Variants in ABCA2 observed in about 807,000 individuals in gnomAD.
ABCA2 encodes the protein ATP binding cassette subfamily A member 2, also known as ATP-binding cassette sub-family A member 2.
In ABCA2, 84 loss-of-function variants were observed where a neutral mutation model predicts 262.8. The ratio of observed to expected loss-of-function variants is 0.32; its 90% CI spans 0.27 to 0.38. The LOEUF is 0.38. ABCA2 is among the 10% of genes least tolerant of loss of function. ABCA2 has a pLI of 1.00. For synonymous variants in ABCA2, 1,696 were observed against 1,502.9 expected (o/e 1.13, Z -2.97); for missense variants, 2,662 against 3,405.9 (o/e 0.78, Z 5.44).
Position 137,013,067 on chromosome 9 carries a change from G to A in ABCA2, c.4802C>T (p.Ser1601Leu), listed in dbSNP as rs1211616300. 5.8e-6 allele frequency: 9 copies of A among 1,554,144 alleles called. No homozygotes were observed. The highest frequency in any genetic ancestry group is 1.4e-5 in the African/African-American group (1 of 73,726). Reference sequence around the variant, plus strand: ...CAGGTCCTCATCCGGGGACGCTGGCGAGTCAGATGGGGCGGGCGAGGGTGG... The same window carrying A: ...CAGGTCCTCATCCGGGGACGCTGGCAAGTCAGATGGGGCGGGCGAGGGTGG... ...PPPPSPAPSD[S>L]PASPDEDLQA... is the part of the protein sequence containing the mutation. The change falls in exon 30 of 49, where the codon TCG becomes TTG. Residue 1601 changes from serine to leucine, a missense_variant. Coordinates refer to ENST00000341511, the MANE Select transcript of ABCA2 (RefSeq NM_001606.5).
chr9:137,017,896 A>G lies in ABCA2; in HGVS notation c.2102T>C (p.Leu701Pro). 1 of 1,612,546 alleles carries G rather than the reference A, an allele frequency of 6.2e-7. No individual in the cohort carries two copies. The highest frequency in any genetic ancestry group is 8.5e-7 in the Non-Finnish European group (1 of 1,179,836). Residue 701 changes from leucine to proline, a missense_variant, in exon 16 of 49, where the codon CTG (leucine) becomes CCG (proline). By Grantham distance (98) the Leu-to-Pro change is moderately conservative. Transcript: ENST00000341511. ...CGGCATCATGTGCTCAATGACAAAC[A>G]GGAAGCTGCGGGGAGGCCGCGCTCA... ...PYPCYTRDDF[L>P]FVIEHMMPLC...
At position 137,021,925 on chromosome 9, in the gene ABCA2, C is replaced by T. The variant is rs1831466195; in HGVS notation, c.644G>A (p.Ser215Asn). The T allele has an allele frequency of 1.9e-6, 3 of 1,604,614 alleles. No homozygotes were observed. The highest frequency in any genetic ancestry group is 1.1e-5 in the South Asian group (1 of 89,274). The change falls in exon 7 of 49, where the codon AGC becomes AAC. Residue 215 changes from serine to asparagine, a missense_variant. Around this residue, in one of 12 missense-constraint regions of ABCA2, gnomAD observed 403 missense variants for 375.9 expected, o/e 1.07. Coordinates refer to ENST00000341511, the MANE Select transcript of ABCA2 (RefSeq NM_001606.5). This position sits in a 1 kb window ranked among gnomAD's most constrained non-coding sequence, Gnocchi z 6.0. ...GAACAGGGGATTGCCCCCTAGGCGG[C>T]TCCAGGGCTCCTGACCCTTGTGGAG... ...SGLHKGQEPW[S>N]RLGGNPLFRM... is the part of the protein sequence containing the mutation.
intron 46 of ABCA2, 32 bp from the exon 47 acceptor site, chr9:137,008,900 G>GCCCCCCCCCCCCCCTTGGGCCCC (rs59031144): frequency 6.5e-7 from 1 of 1,535,812 alleles, no homozygotes; most frequent in Non-Finnish European, 8.8e-7. Flanking sequence ...GCCTGGCAGC[G>GCCCCCCCCCCCCCCTTGGGCCCC]CCCCCCCACC....
At position 137,018,884 on chromosome 9, in the gene ABCA2, C is replaced by T. The variant is rs549093323; in HGVS notation, c.1722+19G>A. The T allele has an allele frequency of 7.6e-5, 122 of 1,611,944 alleles. 4 individuals carry two copies. In the South Asian group the frequency reaches 1.1e-3, roughly 15 times the overall value. ...AGGCAGGGGGTGTCGTGGGTTGGCT[C>T]GGAGGCCCCACCGCTCACCTTGGAC... On this transcript the variant is annotated intron_variant, in intron 12 of 48. Transcript: ENST00000341511.
chr9:137,018,773 T>C lies in ABCA2; in HGVS notation c.1765A>G (p.Ile589Val), dbSNP rs1183948596. Residue 589 changes from isoleucine to valine, a missense_variant, in exon 13 of 49, where the codon ATT becomes GTT. Ile to Val is a conservative substitution (Grantham distance 29). Coordinates refer to ENST00000341511, the MANE Select transcript of ABCA2 (RefSeq NM_001606.5). ...IFKGFPDEES[I>V]VNYTLNQAYQ... ...GCCTGGTTGAGGGTGTAGTTGACAA[T>C]GCTCTCCTCGTCGGGGAAGCCCTTG... 1 of 1,612,352 alleles carries C rather than the reference T, an allele frequency of 6.2e-7. No homozygotes were observed. The highest frequency in any genetic ancestry group is 2.2e-5 in the East Asian group (1 of 44,872).
Position 137,021,454 on chromosome 9 carries a change from G to A in ABCA2, c.835C>T (p.Arg279Cys), listed in dbSNP as rs373960597. 5.0e-6 allele frequency: 8 copies of A among 1,612,046 alleles called. No homozygotes were observed. The South Asian group carries it at 5.5e-5, about 11-fold the overall frequency. The change falls in exon 8 of 49, where the codon CGC becomes TGC. Residue 279 changes from arginine (R) to cysteine (C), a missense_variant. By Grantham distance (180) the Arg-to-Cys change is radical. This residue lies in a region of ABCA2 where 403 missense variants were observed against 375.9 expected (regional missense o/e 1.07). Transcript: ENST00000341511. The surrounding 1 kb of genome is among the most constrained non-coding windows in gnomAD (Gnocchi z 6.0). ...AGCTCAGCAGACAGCCCAGAGAAGCGCCTGGCACGCGCAGCAGCCTGCCCA... is the reference window on the plus strand; with the variant it reads ...AGCTCAGCAGACAGCCCAGAGAAGCACCTGGCACGCGCAGCAGCCTGCCCA... Reference protein sequence around the residue: ...CSGQAAARARRFSGLSAELRN... With the variant: ...CSGQAAARARCFSGLSAELRN...
At chr9:137,009,146 C>A in intron 45 of ABCA2, 93 bp from the exon 46 acceptor site, 1 of 1,299,756 alleles carries the variant, frequency 7.7e-7, no homozygotes, top group Non-Finnish European at 1.1e-6. Flanking sequence ...CACAGGCACC[C>A]CAGGAAGCCC....
intron 17 of ABCA2, 66 bp from the exon 18 acceptor site, chr9:137,017,412 G>A: frequency 5.0e-6 from 8 of 1,604,998 alleles, no homozygotes; most frequent in Non-Finnish European, 6.8e-6. Context: ...GCAGGCCCGT[G>A]CCAGGGTCCA....
At position 137,018,814 on chromosome 9, in the gene ABCA2, A is replaced by ACCTAGCGGGAGGGGCATCGCTGGAGC; in HGVS notation, c.1723-25_1723dup (p.Val575GlyfsTer10). 1 of 1,612,486 alleles carries ACCTAGCGGGAGGGGCATCGCTGGAGC rather than the reference A, an allele frequency of 6.2e-7. No homozygotes were observed. ...GAAGCCCTTGAAGATGTCCACGCTC[A>ACCTAGCGGGAGGGGCATCGCTGGAGC]CCTAGCGGGAGGGGCATCGCTGGAG... On this transcript the variant is annotated frameshift_variant and splice_region_variant, in exon 13 of 49. Coordinates refer to ENST00000341511, the MANE Select transcript of ABCA2 (RefSeq NM_001606.5). LOFTEE classifies it high-confidence loss of function.
In ABCA2 at chr9:137,024,084, G is replaced by A. The variant is rs952714938; in HGVS notation, c.160+59C>T. On this transcript the variant is annotated intron_variant, in intron 2 of 48. Coordinates refer to ENST00000341511, the MANE Select transcript of ABCA2 (RefSeq NM_001606.5). ...CCGTGTGCAGATGTGCACACACAGC[G>A]CAGGCGTGCGAGGTGCCGCGCTCCC... The A allele has an allele frequency of 2.7e-5, 42 of 1,546,334 alleles. 1 individual carries two copies. Among genetic ancestry groups the A allele is most frequent in the South Asian group, 1.6e-4 (13 of 82,250 alleles).
At chr9:137,025,782 G>C (rs113018159) in intron 1 of ABCA2, among the ~76,000 whole-genome samples, 3,718 of 152,302 alleles carry the variant, frequency 0.024, 161 homozygotes, top group African/African-American at 0.086. Context: ...AACAGGCCCG[G>C]CTGCCTCCCC....
rs750053697 is a variant in ABCA2, at chr9:137,009,963, C to T, written c.6495+20G>A. 82 of 1,595,320 alleles carry T rather than the reference C, an allele frequency of 5.1e-5. No individual in the cohort carries two copies. The highest frequency in any genetic ancestry group is 6.8e-5 in the Non-Finnish European group (79 of 1,169,714). ...GCCACCCAGCGTGCTGACTCCCTGC[C>T]CCGCCCCACAGATCCTCACCCGGGC... On this transcript the variant is annotated intron_variant, in intron 42 of 48. Coordinates refer to ENST00000341511, the MANE Select transcript of ABCA2 (RefSeq NM_001606.5).
intron 1 of ABCA2, among the ~76,000 whole-genome samples, chr9:137,025,665 C>T (rs1831630777): frequency 6.6e-6 from 1 of 152,240 alleles, no homozygotes; most frequent in African/African-American, 2.4e-5. Flanking sequence ...CAACAGGCAC[C>T]AGGGCGAGGG....
intron 24 of ABCA2, 82 bp from the exon 25 acceptor site, chr9:137,015,179 A>G: frequency 6.9e-7 from 1 of 1,446,268 alleles, no homozygotes; most frequent in Non-Finnish European, 9.3e-7. Flanking sequence ...CTGGGTCAAG[A>G]TATGGGCATT....
Position 137,013,166 on chromosome 9 carries a change from G to A in ABCA2, c.4703C>T (p.Ala1568Val), listed in dbSNP as rs748229010. 1.9e-6 allele frequency: 3 copies of A among 1,600,030 alleles called. No homozygotes were observed. Among genetic ancestry groups the A allele is most frequent in the South Asian group, 1.1e-5 (1 of 89,450 alleles). Residue 1568 changes from alanine to valine, a missense_variant, in exon 30 of 49, where the codon GCG (alanine) becomes GTG (valine). By Grantham distance (64) the Ala-to-Val change is moderately conservative. This residue lies in a region of ABCA2 where 192 missense variants were observed against 207.2 expected (regional missense o/e 0.93). Coordinates refer to ENST00000341511, the MANE Select transcript of ABCA2 (RefSeq NM_001606.5). ...ACACATGCTGTCGAAGAACCGAGCC[G>A]CCAGCAGGCGCGACTCCCCGCTGCT... ...NLSSGESRLL[A>V]ARFFDSMCLE...
rs374291264 is a variant in ABCA2, at chr9:137,020,683, C to G, written c.1265+11G>C. On this transcript the variant is annotated intron_variant, in intron 9 of 48. Coordinates refer to ENST00000341511, the MANE Select transcript of ABCA2 (RefSeq NM_001606.5). ...GTCCTCCTCACCCCCATTCCCCTGCCGCCCACCTACCGGTTGTTGCCACAC... is the reference window on the plus strand; with the variant it reads ...GTCCTCCTCACCCCCATTCCCCTGCGGCCCACCTACCGGTTGTTGCCACAC... 10 of 1,598,014 alleles carry G rather than the reference C, an allele frequency of 6.3e-6. No individual in the cohort carries two copies. Among genetic ancestry groups the G allele is most frequent in the Non-Finnish European group, 8.5e-6 (10 of 1,179,190 alleles).
At position 137,017,779 on chromosome 9, in the gene ABCA2, C is replaced by A. The variant is rs1367505655; in HGVS notation, c.2211+8G>T. 2 of 1,612,090 alleles carry A rather than the reference C, an allele frequency of 1.2e-6. No individual in the cohort carries two copies. On this transcript the variant is annotated splice_region_variant and intron_variant, in intron 16 of 48. Coordinates refer to ENST00000341511, the MANE Select transcript of ABCA2 (RefSeq NM_001606.5). ...CCGCGCCTCCAGGGAGAGTCCCGGCCCGCGCACCTCCTTGAGCCGGTGCTC... is the reference window on the plus strand; with the variant it reads ...CCGCGCCTCCAGGGAGAGTCCCGGCACGCGCACCTCCTTGAGCCGGTGCTC...
Position 137,011,167 on chromosome 9 carries a change from G to A in ABCA2, c.5923+19C>T, listed in dbSNP as rs773888955. 24 of 1,612,158 alleles carry A rather than the reference G, an allele frequency of 1.5e-5. No individual in the cohort carries two copies. Among genetic ancestry groups the A allele is most frequent in the Admixed American group, 8.3e-5 (5 of 59,970 alleles). ...TTGCGGGGCCCCCACCGCCTTCCCC[G>A]CCCCACGGGCCCCCTCACCAATCTT... On this transcript the variant is annotated intron_variant, in intron 38 of 48. Transcript: ENST00000341511. The surrounding 1 kb of genome is among the most constrained non-coding windows in gnomAD (Gnocchi z 8.8).
Position 137,021,422 on chromosome 9 carries a change from G to T in ABCA2, c.867C>A (p.Asn289Lys). 1.2e-6 allele frequency: 2 copies of T among 1,610,452 alleles called. No individual in the cohort carries two copies. Among genetic ancestry groups the T allele is most frequent in the Non-Finnish European group, 1.7e-6 (2 of 1,179,842 alleles). The part of the protein sequence containing the change: ...RFSGLSAELR[N>K]QLDVAKVSQQ... ...GGGAGACCTTGGCCACGTCCAGCTG[G>T]TTCCGGAGCTCAGCAGACAGCCCAG... Residue 289 changes from asparagine (N) to lysine (K), a missense_variant, in exon 8 of 49, where the codon AAC becomes AAA. Transcript: ENST00000341511. The surrounding 1 kb of genome is among the most constrained non-coding windows in gnomAD (Gnocchi z 6.0).
Sources: allele counts gnomAD v4.1 joint callset (sites outside exome capture counted in the v4.1 genomes callset), GRCh38; gene constraint gnomAD v4.1.1; regional missense constraint gnomAD v4.1.1; non-coding constraint Gnocchi (gnomAD v3.1); transcripts MANE v1.5; gene names NCBI Gene and HGNC (gene_info 2026-07-23, HGNC 2026-07-21).